Variants in TMEM232 observed in about 807,000 individuals in gnomAD.
TMEM232 encodes transmembrane protein 232.
TMEM232 carries 80 observed loss-of-function variants against 78.8 expected under a neutral mutation model. That is an observed-to-expected ratio of 1.01 (90% CI 0.85 to 1.22). The LOEUF (loss-of-function observed/expected upper bound fraction) is 1.22. Ranked by LOEUF, TMEM232 falls within the 50% of genes most tolerant of loss-of-function variation. The pLI, the probability that TMEM232 is intolerant of heterozygous loss-of-function variation, is 0.00. For synonymous variants in TMEM232, 297 were observed against 254.3 expected, an observed-to-expected ratio of 1.17 and a Z score of -1.60; for missense variants, 881 against 742.2, an observed-to-expected ratio of 1.19 and a Z score of -2.17.
intron 12 of TMEM232, among the ~76,000 whole-genome samples, chr5:110,502,331 T>C (rs988834800): frequency 2.0e-5 from 3 of 152,144 alleles, no homozygotes; most frequent in African/African-American, 7.2e-5. Flanking sequence ...AGATGCAAAC[T>C]GAAATTTCAG....
chr5:110,696,737 T>C (rs1794831160), intron 1 of TMEM232, among the ~76,000 whole-genome samples: 1 of 152,072 alleles, frequency 6.6e-6, no homozygotes, highest in South Asian at 2.1e-4. Context: ...GAATCCAACT[T>C]ATAAGGGATG....
chr5:110,570,304 T>C (rs556694024), intron 10 of TMEM232, among the ~76,000 whole-genome samples: 4 of 152,112 alleles, frequency 2.6e-5, no homozygotes, highest in East Asian at 1.9e-4. Context: ...CACTGAACAT[T>C]TGGACTATAA....
chr5:110,524,863 TA>T (rs1770341516), intron 12 of TMEM232, among the ~76,000 whole-genome samples: 1 of 152,144 alleles, frequency 6.6e-6, no homozygotes, highest in Non-Finnish European at 1.5e-5. Flanking sequence ...TATATCTTTC[TA>T]GTTAATTCAT....
At chr5:110,714,031 C>A (rs1282120828) in intron 1 of TMEM232, among the ~76,000 whole-genome samples, 1 of 152,120 alleles carries the variant, frequency 6.6e-6, no homozygotes, top group Admixed American at 6.6e-5. Context: ...GACTTGGTTG[C>A]AGAAAAACAA....
chr5:110,595,542 A>T (rs919689670), intron 10 of TMEM232, among the ~76,000 whole-genome samples: 1 of 152,202 alleles, frequency 6.6e-6, no homozygotes, highest in Non-Finnish European at 1.5e-5. Context: ...AGGTTACAGG[A>T]ACTGCTAACT....
chr5:110,704,427 A>G (rs1321855267), intron 1 of TMEM232, among the ~76,000 whole-genome samples: 1 of 152,114 alleles, frequency 6.6e-6, no homozygotes, highest in Non-Finnish European at 1.5e-5. Flanking sequence ...AAGGATGGAA[A>G]GTAGATGACA....
chr5:110,697,911 A>G (rs1794988758), intron 1 of TMEM232, among the ~76,000 whole-genome samples: 1 of 152,246 alleles, frequency 6.6e-6, no homozygotes, highest in Admixed American at 6.5e-5. Flanking sequence ...TAGAAATACC[A>G]TTTGACCCAG....
chr5:110,508,939 TACAC>T (rs1203608558), intron 12 of TMEM232, among the ~76,000 whole-genome samples: 2 of 140,580 alleles, frequency 1.4e-5, no homozygotes, highest in Admixed American at 7.3e-5. Flanking sequence ...ATTATATATA[TACAC>T]ACACACATAT....
chr5:110,587,839 G>A (rs957092301), intron 10 of TMEM232, among the ~76,000 whole-genome samples: 1 of 149,970 alleles, frequency 6.7e-6, no homozygotes, highest in African/African-American at 2.5e-5. Flanking sequence ...GATACATTTG[G>A]TTAACTTCTG....
intron 11 of TMEM232, among the ~76,000 whole-genome samples, chr5:110,558,115 T>C (rs1561685498): frequency 6.6e-6 from 1 of 152,180 alleles, no homozygotes; most frequent in Non-Finnish European, 1.5e-5. Flanking sequence ...GTTGGGACCA[T>C]GCTCATGCCT....
At chr5:110,645,761 T>A (rs115876398) in intron 2 of TMEM232, among the ~76,000 whole-genome samples, 1 of 151,556 alleles carries the variant, frequency 6.6e-6, no homozygotes, top group Non-Finnish European at 1.5e-5. Context: ...GGCATCCAAA[T>A]TGGAAAAGAA....
At chr5:110,435,102 A>G (rs1580668018) in intron 12 of TMEM232, among the ~76,000 whole-genome samples, 1 of 151,820 alleles carries the variant, frequency 6.6e-6, no homozygotes, top group South Asian at 2.1e-4. Flanking sequence ...AGAAATAAAC[A>G]TCATTTAAAT....
chr5:110,731,630 G>A (rs1206846340), upstream of TMEM232, among the ~76,000 whole-genome samples: 1 of 152,174 alleles, frequency 6.6e-6, no homozygotes, highest in Non-Finnish European at 1.5e-5. Flanking sequence ...GCTCTACACT[G>A]GCCCCTTTCA....
intron 2 of TMEM232, among the ~76,000 whole-genome samples, chr5:110,665,290 G>A (rs1480079708): frequency 2.0e-5 from 3 of 151,960 alleles, no homozygotes; most frequent in Non-Finnish European, 4.4e-5. Flanking sequence ...ATTTTAAAAC[G>A]TGTTCCATGA....
chr5:110,465,981 GA>G (rs990330873), intron 12 of TMEM232, among the ~76,000 whole-genome samples: 1 of 151,742 alleles, frequency 6.6e-6, no homozygotes, highest in African/African-American at 2.4e-5. Context: ...TTAATGAGTT[GA>G]AAAAAATGAT....
In TMEM232 at chr5:110,618,445, G is replaced by C. The variant is rs1321756512; in HGVS notation, c.886C>G (p.Leu296Val). 1 of 1,550,762 alleles carries C rather than the reference G, an allele frequency of 6.4e-7. No individual in the cohort carries two copies. ...LEHLVFHKTQLQKKCWLDSVL... is the reference protein window; with the variant it reads ...LEHLVFHKTQVQKKCWLDSVL... ...CACTCTTACCAGCATTTCTTTTGAAGCTGTGTCTTATGGAAGACGAGATGT... is the reference window on the plus strand; with the variant it reads ...CACTCTTACCAGCATTTCTTTTGAACCTGTGTCTTATGGAAGACGAGATGT... The change falls in exon 8 of 14, where the codon CTT becomes GTT. Residue 296 changes from leucine (L) to valine (V), a missense_variant. By Grantham distance (32) the Leu-to-Val change is conservative. Transcript: ENST00000455884.
rs562200165 is a variant in TMEM232, at chr5:110,669,830, C to T, written c.-12-2466G>A. ...TGGGATGCAAGGCTGGTTCAATATA[C>T]GCAAATCAATAAACATAATCCAGCA... is the stretch of plus-strand genomic sequence containing the variant. On this transcript the variant is annotated intron_variant, in intron 1 of 13. Transcript: ENST00000455884. Among the ~76,000 whole-genome samples, 126 of 152,168 alleles carry T rather than the reference C, an allele frequency of 8.3e-4. 1 individual carries two copies. In the South Asian group the frequency reaches 8.5e-3, roughly 10 times the overall value.
At chr5:110,708,852 A>G (rs1017803508) in intron 1 of TMEM232, among the ~76,000 whole-genome samples, 1 of 152,126 alleles carries the variant, frequency 6.6e-6, no homozygotes. Context: ...AAAACAAATA[A>G]CAAAATGGCA....
intron 2 of TMEM232, chr5:110,397,979 G>T (rs1336539461): frequency 6.6e-6 from 1 of 152,360 alleles, no homozygotes; most frequent in Non-Finnish European, 1.5e-5. Context: ...GAATTCCATG[G>T]ACTGTCAACT....
Sources: gnomAD v4.1 joint callset for allele counts (sites outside exome capture counted in the v4.1 genomes callset) on GRCh38, gnomAD v4.1.1 for gene constraint, MANE v1.5 for transcripts, NCBI Gene and HGNC (gene_info 2026-07-23, HGNC 2026-07-21) for gene names.